Variants in CKAP2 observed in about 807,000 individuals in gnomAD.
CKAP2 encodes the protein cytoskeleton associated protein 2, also known as cytoskeleton-associated protein 2.
Under a neutral mutation model 58.4 loss-of-function variants are expected in CKAP2, and 46 were observed. That is an observed-to-expected ratio of 0.79 (90% CI 0.62 to 1.01). The LOEUF (loss-of-function observed/expected upper bound fraction) is 1.01, where lower values mean the gene tolerates loss of function less well. Ranked by LOEUF, CKAP2 falls within the 50% of genes least tolerant of loss-of-function variation. The probability of loss-of-function intolerance (pLI) is 0.00; values close to 1 mark genes in which losing one functional copy is unlikely to be tolerated. For synonymous variants in CKAP2, 293 were observed against 280.9 expected, an observed-to-expected ratio of 1.04 and a Z score of -0.43; for missense variants, 809 against 796.4, an observed-to-expected ratio of 1.02 and a Z score of -0.19.
In CKAP2 at chr13:52,457,832, T is replaced by C. The variant is rs573725549; in HGVS notation, c.155+1225T>C. On this transcript the variant is annotated intron_variant, in intron 2 of 8. Transcript: ENST00000258607. ...TCGTGCCATTGCACTCCAGCCTGGG[T>C]GACAGAGCGAGACTCCGTCTCAAAA... 5.0e-4 allele frequency among the ~76,000 whole-genome samples: 75 copies of C among 150,432 alleles called. 1 individual carries two copies. Among genetic ancestry groups the C allele is most frequent in the South Asian group, 1.5e-3 (7 of 4,716 alleles).
intron 2 of CKAP2, among the ~76,000 whole-genome samples, chr13:52,460,578 GGGACTACA>G (rs1202999827): frequency 6.0e-5 from 9 of 149,118 alleles, no homozygotes; most frequent in Non-Finnish European, 1.0e-4. Context: ...CCTAGTAGCT[GGGACTACA>G]GGACTACAAG....
chr13:52,456,682 A>G (rs1256520976), intron 2 of CKAP2, 75 bp downstream of exon 2: 3 of 1,144,892 alleles, frequency 2.6e-6, no homozygotes, highest in African/African-American at 1.6e-5. Context: ...AAAGTAAGCC[A>G]TATCTGTAAT....
At chr13:52,473,055 A>G (rs116113094) in intron 7 of CKAP2, among the ~76,000 whole-genome samples, 4 of 152,068 alleles carry the variant, frequency 2.6e-5, no homozygotes, top group Admixed American at 2.6e-4. Context: ...TCTAAAAAAA[A>G]AAAAAAAATG....
At chr13:52,470,152 C>T (rs1023562098) in intron 7 of CKAP2, among the ~76,000 whole-genome samples, 31 of 149,674 alleles carry the variant, frequency 2.1e-4, no homozygotes, top group African/African-American at 7.4e-4. Flanking sequence ...GTTGCCCAGG[C>T]TGGAGTTCAG....
At chr13:52,464,322 G>A (rs565737236) in intron 5 of CKAP2, among the ~76,000 whole-genome samples, 1 of 152,242 alleles carries the variant, frequency 6.6e-6, no homozygotes, top group Admixed American at 6.5e-5. Flanking sequence ...GGAGGCCAAG[G>A]CGGGCGGATC....
intron 2 of CKAP2, among the ~76,000 whole-genome samples, chr13:52,460,471 GTC>G (rs1417817693): frequency 1.1e-4 from 17 of 151,140 alleles, no homozygotes; most frequent in Admixed American, 1.1e-3. Flanking sequence ...TTGAGACAGA[GTC>G]TCTCTCTGTC....
intron 7 of CKAP2, among the ~76,000 whole-genome samples, chr13:52,469,597 A>T (rs7318338): frequency 0.47 from 63,300 of 135,948 alleles, 15,835 homozygotes; most frequent in Middle Eastern, 0.64. Flanking sequence ...TTATTTATTT[A>T]TTTTTTTTTT....
chr13:52,469,789 G>A (rs1303247301), intron 7 of CKAP2, among the ~76,000 whole-genome samples: 1 of 149,260 alleles, frequency 6.7e-6, no homozygotes, highest in Non-Finnish European at 1.5e-5. Context: ...GTAGAGACGG[G>A]GTTTCACCTT....
rs1475399218 is a variant in CKAP2, at chr13:52,476,548, A to G, written c.*1407A>G. On this transcript the variant is annotated 3_prime_UTR_variant, in exon 9 of 9. Transcript: ENST00000258607. The stretch of plus-strand genomic sequence containing the variant: ...TTTACCTAATTTTTTTCACTTTAAC[A>G]AAAACATAACTATGCCCTTGTTTTT... The G allele has an allele frequency of 6.6e-6, 1 of 152,222 alleles. No homozygotes were observed. The highest frequency in any genetic ancestry group is 1.9e-4 in the East Asian group (1 of 5,204). 9.4% of individuals were successfully genotyped at this position (152,222 alleles called of 1,614,324 possible).
chr13:52,467,572 G>T (rs1310957971), intron 6 of CKAP2, among the ~76,000 whole-genome samples: 1 of 152,048 alleles, frequency 6.6e-6, no homozygotes, highest in Non-Finnish European at 1.5e-5. Flanking sequence ...AGCTGGGCAT[G>T]GTGGTGCCCA....
Position 52,461,502 on chromosome 13 carries a change from A to T in CKAP2, c.676A>T (p.Thr226Ser). Reference sequence around the variant, plus strand: ...TCAGCCTGTAAACACCAGCAGTGTAACAGTGAAAAGTAATAGATCCTCCAA... The same window carrying T: ...TCAGCCTGTAAACACCAGCAGTGTATCAGTGAAAAGTAATAGATCCTCCAA... ...KPQPVNTSSV[T>S]VKSNRSSNMT... The change falls in exon 4 of 9, where the codon ACA becomes TCA. Residue 226 changes from threonine (T) to serine (S), a missense_variant. By Grantham distance (58) the Thr-to-Ser change is moderately conservative (BLOSUM62 1). Around this residue, in one of 3 missense-constraint regions of CKAP2, gnomAD observed 523 missense variants for 492.4 expected, o/e 1.06. Coordinates refer to ENST00000258607, the MANE Select transcript of CKAP2 (RefSeq NM_018204.5). 1 of 1,614,120 alleles carries T rather than the reference A, an allele frequency of 6.2e-7. No homozygotes were observed. Among genetic ancestry groups the T allele is most frequent in the African/African-American group, 1.3e-5 (1 of 75,058 alleles).
intron 7 of CKAP2, among the ~76,000 whole-genome samples, chr13:52,468,879 T>C (rs985307625): frequency 2.0e-5 from 3 of 152,228 alleles, no homozygotes; most frequent in Non-Finnish European, 1.5e-5. Flanking sequence ...TTATATTCCT[T>C]TGGGTATATA....
rs201667638 is a variant in CKAP2 at position 52,456,644 on chromosome 13, T to G, written c.155+37T>G. The stretch of plus-strand genomic sequence containing the variant: ...TTTATTTCTTTTCACTTCTGTAAAA[T>G]TGTATCAGATCTGTCCAATGAAAAT... On this transcript the variant is annotated intron_variant, in intron 2 of 8. Transcript: ENST00000258607. 39 of 1,467,312 alleles carry G rather than the reference T, an allele frequency of 2.7e-5. No individual in the cohort carries two copies. In the African/African-American group the frequency reaches 4.2e-4, roughly 16 times the overall value. 90.9% of individuals were successfully genotyped at this position (1,467,312 alleles called of 1,614,324 possible).
At chr13:52,456,677 A>G (rs1958487564) in intron 2 of CKAP2, 70 bp downstream of exon 2, 7 of 1,176,390 alleles carry the variant, frequency 6.0e-6, no homozygotes, top group Non-Finnish European at 7.4e-6. Context: ...AATGTAAAGT[A>G]AGCCATATCT....
rs929827367 is a variant in CKAP2, at chr13:52,461,941, T to C, written c.1100+15T>C. On this transcript the variant is annotated intron_variant, in intron 4 of 8. Transcript: ENST00000258607. ...GAAGAGAGAAAGTAAGTAGATATAA[T>C]TTTCTTTATTACATTAGTTTTCAAT... The C allele has an allele frequency of 2.6e-6, 4 of 1,558,170 alleles. No homozygotes were observed. The highest frequency in any genetic ancestry group is 3.5e-6 in the Non-Finnish European group (4 of 1,157,196).
intron 7 of CKAP2, among the ~76,000 whole-genome samples, chr13:52,469,681 C>G (rs1466265294): frequency 6.7e-6 from 1 of 148,612 alleles, no homozygotes; most frequent in Non-Finnish European, 1.5e-5. Flanking sequence ...ACTGCAAGCT[C>G]CGCCTCCCGG....
At chr13:52,455,649 CGG>C (rs1461460469) in intron 1 of CKAP2, 23 bp downstream of exon 1, 16 of 296,504 alleles carry the variant, frequency 5.4e-5, no homozygotes, top group Non-Finnish European at 8.4e-5. Flanking sequence ...GTGGCGGTGG[CGG>C]TGGCGGTGGC....
At chr13:52,456,694 T>G in intron 2 of CKAP2, 87 bp downstream of exon 2, 2 of 1,038,922 alleles carry the variant, frequency 1.9e-6, no homozygotes, top group Non-Finnish European at 2.9e-6. Context: ...ATCTGTAATT[T>G]TAAATTTTCT....
intron 2 of CKAP2, among the ~76,000 whole-genome samples, chr13:52,458,368 A>G (rs966172744): frequency 5.9e-5 from 9 of 152,170 alleles, no homozygotes; most frequent in Non-Finnish European, 1.3e-4. Flanking sequence ...TAGTATACAG[A>G]TGATATTTAC....
Sources: gnomAD v4.1 joint callset for allele counts (sites outside exome capture counted in the v4.1 genomes callset) on GRCh38, gnomAD v4.1.1 for gene constraint, gnomAD v4.1.1 regional missense constraint, MANE v1.5 for transcripts, NCBI Gene and HGNC (gene_info 2026-07-23, HGNC 2026-07-21) for gene names.